RPH3A: variants seen among roughly 807,000 people sequenced by gnomAD.
RPH3A encodes the protein rabphilin 3A.
In RPH3A, 48 loss-of-function variants were observed where a neutral mutation model predicts 102.2. That is an observed-to-expected ratio of 0.47 (90% CI 0.37 to 0.60). RPH3A has a LOEUF of 0.60. Ranked by LOEUF, RPH3A falls within the 20% of genes least tolerant of loss-of-function variation. The probability of loss-of-function intolerance (pLI) is 0.00; values close to 1 mark genes in which losing one functional copy is unlikely to be tolerated. For missense variants in RPH3A, 781 were observed against 910.1 expected, an observed-to-expected ratio of 0.86 and a Z score of 1.83; for synonymous variants, 310 against 324.3, an observed-to-expected ratio of 0.96 and a Z score of 0.47.
At chr12:112,661,800 G>A (rs1012169074) in intron 1 of RPH3A, among the ~76,000 whole-genome samples, 12 of 151,716 alleles carry the variant, frequency 7.9e-5, no homozygotes, top group Admixed American at 3.9e-4. Flanking sequence ...AAGCACTTCC[G>A]CTGATTAAAA....
At chr12:112,672,002 C>G (rs1329902405) in intron 1 of RPH3A, among the ~76,000 whole-genome samples, 1 of 150,796 alleles carries the variant, frequency 6.6e-6, no homozygotes, top group African/African-American at 2.4e-5. Flanking sequence ...GATTTTTTGA[C>G]TTGCCTAAAA....
chr12:112,584,332 C>T (rs1009289898), intron 1 of RPH3A, among the ~76,000 whole-genome samples: 16 of 152,294 alleles, frequency 1.1e-4, no homozygotes, highest in Admixed American at 2.0e-4. Flanking sequence ...CTGTTCATAT[C>T]TACACTCCTG....
At chr12:112,727,551 T>C (rs1021590297) in intron 1 of RPH3A, among the ~76,000 whole-genome samples, 105 of 124,158 alleles carry the variant, frequency 8.5e-4, no homozygotes, top group African/African-American at 3.1e-3. Flanking sequence ...ACCACTACCA[T>C]GAGACTTTTG....
chr12:112,594,694 T>C (rs572265677), intron 1 of RPH3A, among the ~76,000 whole-genome samples: 32 of 152,320 alleles, frequency 2.1e-4, no homozygotes, highest in Non-Finnish European at 3.8e-4. Flanking sequence ...TTCTCTTTAG[T>C]TGCTATTGAT....
intron 5 of RPH3A, among the ~76,000 whole-genome samples, chr12:112,852,169 C>T (rs767575043): frequency 2.1e-4 from 32 of 152,116 alleles, no homozygotes; most frequent in Non-Finnish European, 4.4e-4. Context: ...TCAGGTAGCC[C>T]CTCTCTTTGC....
chr12:112,795,506 C>T (rs1393190584), intron 2 of RPH3A, among the ~76,000 whole-genome samples: 2 of 152,182 alleles, frequency 1.3e-5, no homozygotes, highest in Non-Finnish European at 2.9e-5. Flanking sequence ...GTGCCTCACA[C>T]CTATCTACCT....
At chr12:112,643,191 C>T (rs1787525092) in intron 1 of RPH3A, among the ~76,000 whole-genome samples, 1 of 152,196 alleles carries the variant, frequency 6.6e-6, no homozygotes, top group Non-Finnish European at 1.5e-5. Context: ...CACCATCACG[C>T]TGTACCCAGT....
At chr12:112,844,874 T>A (rs1026618251) in intron 4 of RPH3A, among the ~76,000 whole-genome samples, 5 of 152,210 alleles carry the variant, frequency 3.3e-5, no homozygotes, top group Admixed American at 6.5e-5. Flanking sequence ...TGCAGACATG[T>A]CACCTGGGGC....
chr12:112,799,992 G>A (rs145996881), intron 2 of RPH3A, among the ~76,000 whole-genome samples: 254 of 152,276 alleles, frequency 1.7e-3, no homozygotes, highest in African/African-American at 6.0e-3. Flanking sequence ...TTCCAGACAA[G>A]TCTTGTACAC....
intron 6 of RPH3A, 132 bp from the exon 7 acceptor site, chr12:112,866,625 C>T (rs1042210431): frequency 2.9e-6 from 2 of 679,872 alleles, no homozygotes; most frequent in South Asian, 1.8e-5. Flanking sequence ...TGGCCTTGCT[C>T]ATAGAAGGAA....
chr12:112,882,130 G>C (rs866631870), intron 15 of RPH3A, among the ~76,000 whole-genome samples: 6 of 152,062 alleles, frequency 3.9e-5, no homozygotes, highest in Admixed American at 3.9e-4. Context: ...TCATCTGCTC[G>C]AACACCTTCA....
intron 1 of RPH3A, among the ~76,000 whole-genome samples, chr12:112,587,806 T>G (rs951541040): frequency 6.6e-6 from 1 of 152,170 alleles, no homozygotes; most frequent in Non-Finnish European, 1.5e-5. Context: ...GCACATCTGT[T>G]GAATGAATGA....
chr12:112,744,484 G>A (rs1321031143), intron 1 of RPH3A, among the ~76,000 whole-genome samples: 2 of 152,174 alleles, frequency 1.3e-5, no homozygotes, highest in Admixed American at 1.3e-4. Flanking sequence ...CATTTATCTG[G>A]AGACCCATGT....
intron 12 of RPH3A, among the ~76,000 whole-genome samples, chr12:112,876,420 C>T (rs547471015): frequency 6.6e-6 from 1 of 152,318 alleles, no homozygotes; most frequent in African/African-American, 2.4e-5. Flanking sequence ...GCTGTCTGGG[C>T]TCCAGAGTCC....
chr12:112,804,412 C>G (rs775895682), intron 2 of RPH3A, among the ~76,000 whole-genome samples: 21 of 152,214 alleles, frequency 1.4e-4, no homozygotes, highest in Non-Finnish European at 2.5e-4. Context: ...ACCACCAGAC[C>G]ACCCAACAGT....
intron 1 of RPH3A, among the ~76,000 whole-genome samples, chr12:112,640,647 C>T (rs751823067): frequency 2.9e-4 from 44 of 152,250 alleles, no homozygotes; most frequent in Non-Finnish European, 5.6e-4. Flanking sequence ...AATCAACTGT[C>T]AGAAAAATCT....
chr12:112,656,155 G>A (rs917990376), intron 1 of RPH3A, among the ~76,000 whole-genome samples: 2 of 152,158 alleles, frequency 1.3e-5, no homozygotes, highest in Non-Finnish European at 2.9e-5. Context: ...ACAGATGTAT[G>A]AGGCTGCTTC....
Position 112,607,632 on chromosome 12 carries a change from G to C in RPH3A, c.-140+32313G>C, listed in dbSNP as rs370486606. 2.8e-4 allele frequency among the ~76,000 whole-genome samples: 43 copies of C among 152,274 alleles called. No individual in the cohort carries two copies. The South Asian group carries it at 8.3e-3, about 29-fold the overall frequency. On this transcript the variant is annotated intron_variant, in intron 1 of 21. Coordinates refer to the RPH3A transcript ENST00000543106. ...CCTACCTGAATTTGAGCATCTGAAG[G>C]GTTTCCAGCAAGTTATGCGGCCCTT...
At position 112,635,164 on chromosome 12, in the gene RPH3A, A is replaced by G. The variant is rs562445723; in HGVS notation, c.-140+59845A>G. ...TGGTTTCCGTTTCAACTATGCCACTATAATATGAAAGTAGCCATAGACAAT... is the reference window on the plus strand; with the variant it reads ...TGGTTTCCGTTTCAACTATGCCACTGTAATATGAAAGTAGCCATAGACAAT... On this transcript the variant is annotated intron_variant, in intron 1 of 21. Transcript: ENST00000543106. Among the ~76,000 whole-genome samples, 42 of 152,352 alleles carry G rather than the reference A, an allele frequency of 2.8e-4. No individual in the cohort carries two copies. In the South Asian group the frequency reaches 3.7e-3, roughly 14 times the overall value.
Sources: gnomAD v4.1 joint callset for allele counts (sites outside exome capture counted in the v4.1 genomes callset) on GRCh38, gnomAD v4.1.1 for gene constraint, MANE v1.5 for transcripts, NCBI Gene and HGNC (gene_info 2026-07-23, HGNC 2026-07-21) for gene names.